QKI: variants seen among roughly 807,000 people sequenced by gnomAD.
QKI encodes the protein QKI, KH domain containing RNA binding, also known as KH domain-containing RNA-binding protein QKI.
Under a neutral mutation model 39.0 loss-of-function variants are expected in QKI, and 10 were observed. That is an observed-to-expected ratio of 0.26 (90% CI 0.16 to 0.43). The LOEUF is 0.43. Among genes scored for constraint, QKI ranks in the 20% least tolerant of loss-of-function variants. The pLI is 1.00. For synonymous variants in QKI, 204 were observed against 155.4 expected (o/e 1.31, Z -2.33); for missense variants, 218 against 428.0 (o/e 0.51, Z 4.33).
At chr6:163,545,380 G>T (rs1215590371) in intron 4 of QKI, among the ~76,000 whole-genome samples, 1 of 152,072 alleles carries the variant, frequency 6.6e-6, no homozygotes, top group Non-Finnish European at 1.5e-5. Flanking sequence ...TTTGATTCGG[G>T]TGACATTCCA....
chr6:163,509,089 G>A (rs1321700518), intron 3 of QKI, among the ~76,000 whole-genome samples: 1 of 152,104 alleles, frequency 6.6e-6, no homozygotes, highest in Non-Finnish European at 1.5e-5. Context: ...AGTGAGCCAA[G>A]ATTGTGCCAC....
chr6:163,490,129 T>C (rs186166165), intron 3 of QKI, among the ~76,000 whole-genome samples: 1 of 152,292 alleles, frequency 6.6e-6, no homozygotes, highest in East Asian at 1.9e-4. Flanking sequence ...TGAGTTGCTT[T>C]AGAAAAGTGG....
chr6:163,515,096 A>T (rs1389476069), intron 3 of QKI, among the ~76,000 whole-genome samples: 1 of 152,196 alleles, frequency 6.6e-6, no homozygotes, highest in African/African-American at 2.4e-5. Context: ...CAGGCAATTC[A>T]CAGGGCAGAA....
intron 3 of QKI, among the ~76,000 whole-genome samples, chr6:163,516,929 T>C (rs1461991589): frequency 2.6e-5 from 4 of 152,102 alleles, no homozygotes; most frequent in African/African-American, 9.7e-5. Context: ...GCTATAATTA[T>C]GGTGTTAGTG....
At chr6:163,458,714 A>G (rs1157796615) in intron 2 of QKI, among the ~76,000 whole-genome samples, 1 of 152,102 alleles carries the variant, frequency 6.6e-6, no homozygotes, top group African/African-American at 2.4e-5. Flanking sequence ...AACGTTTTTG[A>G]AGTTTGGCCT....
At chr6:163,456,312 G>C (rs1164531007) in intron 2 of QKI, among the ~76,000 whole-genome samples, 2 of 151,162 alleles carry the variant, frequency 1.3e-5, no homozygotes, top group African/African-American at 2.4e-5. Context: ...CTCTCTCTCT[G>C]TCTCCCCTGA....
At chr6:163,506,470 A>G (rs1317905366) in intron 3 of QKI, among the ~76,000 whole-genome samples, 2 of 152,300 alleles carry the variant, frequency 1.3e-5, no homozygotes, top group East Asian at 3.9e-4. Flanking sequence ...GAAGAAGAAT[A>G]CCCTTTTACA....
At chr6:163,425,940 G>A (rs1049306195) in intron 1 of QKI, among the ~76,000 whole-genome samples, 15 of 152,056 alleles carry the variant, frequency 9.9e-5, no homozygotes, top group African/African-American at 3.1e-4. Flanking sequence ...AGTTTGATGC[G>A]GGCTTTTAAA....
Position 163,514,799 on chromosome 6 carries a change from C to G in QKI, c.403-20183C>G, listed in dbSNP as rs79196137. On this transcript the variant is annotated intron_variant, in intron 3 of 7. Transcript: ENST00000361752. ...CAAAAATGAAGAGCAAAAAACTCAA[C>G]CACTAGAAGAAAACATAGGAGATAC... Among the ~76,000 whole-genome samples the G allele has an allele frequency of 2.0e-3, 303 of 152,222 alleles. 2 individuals are homozygous for G. The highest frequency in any genetic ancestry group is 2.9e-3 in the Non-Finnish European group (197 of 68,002).
At chr6:163,562,113 G>T (rs1191839142) in intron 5 of QKI, 44 bp downstream of exon 5, 10 of 1,473,422 alleles carry the variant, frequency 6.8e-6, no homozygotes, top group Non-Finnish European at 9.3e-6. Flanking sequence ...TGTCTGCGTT[G>T]TTTTGTCTAC....
intron 1 of QKI, among the ~76,000 whole-genome samples, chr6:163,427,731 C>G (rs1229835400): frequency 1.3e-5 from 2 of 151,918 alleles, no homozygotes; most frequent in African/African-American, 4.8e-5. Flanking sequence ...AGATAACTTA[C>G]AAGGAGATGG....
chr6:163,417,786 C>T (rs1787647291), intron 1 of QKI, among the ~76,000 whole-genome samples: 1 of 152,128 alleles, frequency 6.6e-6, no homozygotes, highest in South Asian at 2.1e-4. Context: ...AAGATTGCTT[C>T]TGTGTGGCAT....
At chr6:163,567,050 T>C in intron 7 of QKI, 1 of 1,104,164 alleles carries the variant, frequency 9.1e-7, no homozygotes, top group Non-Finnish European at 1.1e-6. Flanking sequence ...AAAACATAAA[T>C]TAGTCAATTT....
At chr6:163,542,383 T>C (rs1205429446) in intron 4 of QKI, among the ~76,000 whole-genome samples, 1 of 151,972 alleles carries the variant, frequency 6.6e-6, no homozygotes. Context: ...AATGGTGAAA[T>C]TGGAGGAATA....
chr6:163,453,704 CAT>C (rs1790737766), intron 1 of QKI, among the ~76,000 whole-genome samples: 1 of 152,100 alleles, frequency 6.6e-6, no homozygotes, highest in South Asian at 2.1e-4. Context: ...CTGCCCTTAT[CAT>C]GTAGTCAAAT....
intron 4 of QKI, among the ~76,000 whole-genome samples, chr6:163,553,547 T>A (rs566983009): frequency 6.7e-4 from 102 of 152,282 alleles, no homozygotes; most frequent in Middle Eastern, 3.4e-3. Context: ...GTTTTTTTTT[T>A]AATCTATAAA....
intron 2 of QKI, among the ~76,000 whole-genome samples, chr6:163,468,347 A>G (rs1264261839): frequency 1.3e-5 from 2 of 152,112 alleles, no homozygotes; most frequent in African/African-American, 2.4e-5. Flanking sequence ...CTTGTCCCCA[A>G]ATTTTAGGCA....
intron 2 of QKI, among the ~76,000 whole-genome samples, chr6:163,467,775 A>G (rs926502974): frequency 6.6e-6 from 1 of 152,208 alleles, no homozygotes. Flanking sequence ...ACATTTTGGT[A>G]TATAGTCTCC....
chr6:163,555,214 CT>C (rs1244826194), intron 4 of QKI, among the ~76,000 whole-genome samples: 1 of 151,980 alleles, frequency 6.6e-6, no homozygotes, highest in Non-Finnish European at 1.5e-5. Flanking sequence ...TTTTGCAAGG[CT>C]TTGGGGGTTA....
Sources: gnomAD v4.1 joint callset for allele counts (sites outside exome capture counted in the v4.1 genomes callset) on GRCh38, gnomAD v4.1.1 for gene constraint, MANE v1.5 for transcripts, NCBI Gene and HGNC (gene_info 2026-07-23, HGNC 2026-07-21) for gene names.